Variants in SRD5A3 observed in about 807,000 individuals in gnomAD.
SRD5A3 encodes polyprenal reductase.
A neutral mutation model predicts 34.3 loss-of-function variants in SRD5A3; 24 were observed. The ratio of observed to expected loss-of-function variants is 0.70; its 90% CI spans 0.51 to 0.99. The LOEUF is 0.99. Among genes scored for constraint, SRD5A3 ranks in the 50% least tolerant of loss-of-function variants. The pLI is 0.00. For missense variants in SRD5A3, 350 were observed against 388.2 expected (o/e 0.90, Z 0.83); for synonymous variants, 161 against 167.3 (o/e 0.96, Z 0.29).
intron 4 of SRD5A3, among the ~76,000 whole-genome samples, chr4:55,369,454 G>A (rs78712095): frequency 0.024 from 3,630 of 152,238 alleles, 124 homozygotes; most frequent in African/African-American, 0.082. Flanking sequence ...TCTGGGCTGG[G>A]CAGGTTGGCT....
Position 55,346,331 on chromosome 4 carries a change from C to G in SRD5A3, c.-6C>G. The stretch of plus-strand genomic sequence containing the variant: ...GCCAGCAGCGCGGAAGGCGGGCACG[C>G]GGGCCATGGCTCCCTGGGCGGAGGC... On this transcript the variant is annotated 5_prime_UTR_variant, in exon 1 of 5. Transcript: ENST00000264228. 1 of 1,439,172 alleles carries G rather than the reference C, an allele frequency of 6.9e-7. No individual in the cohort carries two copies. The highest frequency in any genetic ancestry group is 9.1e-7 in the Non-Finnish European group (1 of 1,099,126). 89.2% of individuals were successfully genotyped at this position (1,439,172 alleles called of 1,614,324 possible). A position where few individuals can be genotyped will look rare whatever the true frequency, so the allele number is the denominator to read the frequency against.
intron 1 of SRD5A3, among the ~76,000 whole-genome samples, chr4:55,354,179 C>T (rs550602227): frequency 2.6e-5 from 4 of 152,276 alleles, no homozygotes; most frequent in African/African-American, 9.6e-5. Flanking sequence ...TCACTGCAGC[C>T]TCCCATCTCC....
intron 3 of SRD5A3, among the ~76,000 whole-genome samples, chr4:55,366,275 A>G (rs1719894906): frequency 6.6e-6 from 1 of 152,200 alleles, no homozygotes; most frequent in Admixed American, 6.5e-5. Flanking sequence ...ACTTCCAGAC[A>G]CTGTAACTTT....
At chr4:55,361,628 C>T (rs1719688802) in intron 2 of SRD5A3, among the ~76,000 whole-genome samples, 1 of 152,048 alleles carries the variant, frequency 6.6e-6, no homozygotes, top group Middle Eastern at 3.4e-3. Flanking sequence ...ATGGTGAAAC[C>T]CCCGTCTCTA....
chr4:55,370,403 CCG>C lies in SRD5A3; in HGVS notation c.*313_*314del. The C allele has an allele frequency of 1.5e-5, 3 of 202,154 alleles. No individual in the cohort carries two copies. Among genetic ancestry groups the C allele is most frequent in the Non-Finnish European group, 2.8e-5 (3 of 107,012 alleles). The allele number at this position is 202,154 out of a possible 1,614,324, so 12.5% of individuals were successfully genotyped here. A position where few individuals can be genotyped will look rare whatever the true frequency, so the allele number is the denominator to read the frequency against. ...CCAAGCTGCTTCACAAGCAAACTAA[CCG>C]AAAAACCGAAAATATACAAACAGCT... On this transcript the variant is annotated 3_prime_UTR_variant, in exon 5 of 5. Coordinates refer to ENST00000264228, the MANE Select transcript of SRD5A3 (RefSeq NM_024592.5).
At chr4:55,353,520 GC>G (rs1190892935) in intron 1 of SRD5A3, among the ~76,000 whole-genome samples, 1 of 152,196 alleles carries the variant, frequency 6.6e-6, no homozygotes, top group Non-Finnish European at 1.5e-5. Flanking sequence ...CGAGCCAGCA[GC>G]GCCAAGTCAC....
intron 1 of SRD5A3, among the ~76,000 whole-genome samples, chr4:55,357,527 A>G (rs555200427): frequency 2.0e-5 from 3 of 152,338 alleles, no homozygotes; most frequent in Non-Finnish European, 4.4e-5. Context: ...CAGTAGCCAC[A>G]GGTGGCGATT....
intron 2 of SRD5A3, 29 bp downstream of exon 2, chr4:55,359,517 C>A (rs1341172163): frequency 9.9e-6 from 16 of 1,613,520 alleles, no homozygotes; most frequent in African/African-American, 1.3e-5. Flanking sequence ...TATGACAACG[C>A]TGCATCCCGT....
intron 1 of SRD5A3, among the ~76,000 whole-genome samples, chr4:55,349,113 C>T (rs1036591532): frequency 4.6e-5 from 7 of 152,154 alleles, no homozygotes; most frequent in Non-Finnish European, 1.0e-4. Flanking sequence ...TAGCTCACTG[C>T]AACCTCTGCC....
At chr4:55,351,071 A>ATT (rs765504438) in intron 1 of SRD5A3, among the ~76,000 whole-genome samples, 2 of 138,984 alleles carry the variant, frequency 1.4e-5, no homozygotes, top group Non-Finnish European at 3.1e-5. Flanking sequence ...CCTGGCCTAA[A>ATT]TTTTTTTTTT....
rs1369824859 is a variant in SRD5A3, at chr4:55,372,728, T to G, written c.*2637T>G. 2 of 152,172 alleles carry G rather than the reference T, an allele frequency of 1.3e-5. No homozygotes were observed. Among genetic ancestry groups the G allele is most frequent in the Admixed American group, 6.5e-5 (1 of 15,280 alleles). The allele number at this position is 152,172 out of a possible 1,614,324, so 9.4% of individuals were successfully genotyped here. On this transcript the variant is annotated 3_prime_UTR_variant, in exon 5 of 5. Coordinates refer to ENST00000264228, the MANE Select transcript of SRD5A3 (RefSeq NM_024592.5). ...CTTAATCTTTCATTTTCTACTACCA[T>G]TAAGTCGGGGAAATGACATTGAACT...
intron 1 of SRD5A3, 84 bp from the exon 2 acceptor site, chr4:55,359,258 AAGAC>A: frequency 6.4e-7 from 1 of 1,564,968 alleles, no homozygotes; most frequent in Non-Finnish European, 8.7e-7. Flanking sequence ...GGGGTGGGGA[AAGAC>A]AGAGAAACTA....
intron 1 of SRD5A3, among the ~76,000 whole-genome samples, chr4:55,358,149 A>G (rs1719537915): frequency 1.3e-5 from 2 of 152,204 alleles, no homozygotes; most frequent in African/African-American, 4.8e-5. Context: ...AGGGAAAGCC[A>G]GATGACCGCC....
intron 1 of SRD5A3, among the ~76,000 whole-genome samples, chr4:55,356,447 C>T (rs1381056460): frequency 6.6e-6 from 1 of 152,052 alleles, no homozygotes; most frequent in East Asian, 1.9e-4. Flanking sequence ...CACCTATCTC[C>T]AGAACTTGTC....
At position 55,347,099 on chromosome 4, in the gene SRD5A3, G is replaced by A. The variant is rs543297316; in HGVS notation, c.221+542G>A. ...AGTCGCCCTAACCTGCACCTTGGCA[G>A]GTGCCCCTGGGGAAGGTGGCCCAAG... is the stretch of plus-strand genomic sequence containing the variant. On this transcript the variant is annotated intron_variant, in intron 1 of 4. Transcript: ENST00000264228. Among the ~76,000 whole-genome samples the A allele has an allele frequency of 1.6e-4, 24 of 152,366 alleles. No individual in the cohort carries two copies. In the South Asian group the frequency reaches 4.8e-3, roughly 30 times the overall value.
At chr4:55,352,507 C>G (rs112809349) in intron 1 of SRD5A3, 13,246 of 580,170 alleles carry the variant, frequency 0.023, 209 homozygotes, top group Non-Finnish European at 0.029. Context: ...GGTGAGAACC[C>G]CTGCTCTAGA....
intron 1 of SRD5A3, among the ~76,000 whole-genome samples, chr4:55,346,925 TCTC>T (rs71664288): frequency 0.15 from 23,105 of 152,034 alleles, 2,263 homozygotes; most frequent in South Asian, 0.23. Context: ...TGCCCCAAAT[TCTC>T]CTTTTTCCCG....
At chr4:55,350,832 C>T (rs1207911462) in intron 1 of SRD5A3, among the ~76,000 whole-genome samples, 2 of 150,824 alleles carry the variant, frequency 1.3e-5, no homozygotes, top group Non-Finnish European at 2.9e-5. Flanking sequence ...GTGCAGTCTC[C>T]GCTCACTGCA....
At chr4:55,352,778 G>C (rs1719246102) in intron 1 of SRD5A3, among the ~76,000 whole-genome samples, 1 of 152,204 alleles carries the variant, frequency 6.6e-6, no homozygotes, top group Admixed American at 6.5e-5. Context: ...GCTCCTTAGA[G>C]CTTATCTTCT....
Sources: gnomAD v4.1 joint callset for allele counts (sites outside exome capture counted in the v4.1 genomes callset) on GRCh38, gnomAD v4.1.1 for gene constraint, MANE v1.5 for transcripts, NCBI Gene and HGNC (gene_info 2026-07-23, HGNC 2026-07-21) for gene names.